The following PRKACB variants were observed in gnomAD, a reference collection of about 807,000 sequenced individuals.
The protein encoded by PRKACB is protein kinase cAMP-activated catalytic subunit beta.
Under a neutral mutation model 51.4 loss-of-function variants are expected in PRKACB, and 16 were observed. The observed-to-expected ratio is 0.31, with a 90% CI of 0.21 to 0.47. PRKACB has a LOEUF of 0.47. Ranked by LOEUF, PRKACB falls within the 20% of genes least tolerant of loss-of-function variation. The pLI is 1.00. For missense variants in PRKACB, 309 were observed against 464.5 expected (o/e 0.67, Z 3.08); for synonymous variants, 147 against 154.4 (o/e 0.95, Z 0.35).
chr1:84,187,599 C>A (rs1178770605), intron 5 of PRKACB, among the ~76,000 whole-genome samples: 1 of 152,016 alleles, frequency 6.6e-6, no homozygotes, highest in South Asian at 2.1e-4. Flanking sequence ...AGGAACAGAG[C>A]GGTTCTCATT....
At chr1:84,209,912 G>T (rs1356334739) in intron 8 of PRKACB, among the ~76,000 whole-genome samples, 1 of 152,136 alleles carries the variant, frequency 6.6e-6, no homozygotes, top group African/African-American at 2.4e-5. Flanking sequence ...TTCAATTCAT[G>T]CATTCATTAA....
intron 8 of PRKACB, among the ~76,000 whole-genome samples, chr1:84,203,682 G>A (rs2101460768): frequency 6.6e-6 from 1 of 152,030 alleles, no homozygotes; most frequent in South Asian, 2.1e-4. Context: ...ATTTCTACAT[G>A]TGGTACTGCT....
At chr1:84,199,060 CGTATATATGCATATATGTATATATATG>C (rs1402364167) in intron 7 of PRKACB, among the ~76,000 whole-genome samples, 1 of 48,238 alleles carries the variant, frequency 2.1e-5, no homozygotes, top group Non-Finnish European at 7.9e-5. Flanking sequence ...TATATATATG[CGTATATATGCATATATGTATATATATG>C]CGTATATATG....
At chr1:84,164,262 A>G in intron 1 of PRKACB, 1 of 1,464,318 alleles carries the variant, frequency 6.8e-7, no homozygotes, top group Non-Finnish European at 9.1e-7. Flanking sequence ...GCTATCAGCG[A>G]TCTCGGCAAT....
intron 1 of PRKACB, among the ~76,000 whole-genome samples, chr1:84,119,796 C>T (rs1339438156): frequency 6.6e-6 from 1 of 152,044 alleles, no homozygotes; most frequent in Admixed American, 6.6e-5. Context: ...TGCTATAGTC[C>T]TTGTTCTGTT....
upstream of PRKACB, among the ~76,000 whole-genome samples, chr1:84,142,586 AGATT>A (rs1465473167): frequency 6.6e-6 from 1 of 152,228 alleles, no homozygotes; most frequent in African/African-American, 2.4e-5. Context: ...ATATTTGTTT[AGATT>A]GATAAAAATT....
intron 1 of PRKACB, among the ~76,000 whole-genome samples, chr1:84,091,249 TAC>T (rs1031323008): frequency 1.1e-4 from 16 of 152,188 alleles, no homozygotes; most frequent in African/African-American, 3.6e-4. Flanking sequence ...TATAGTTACT[TAC>T]AATCAGGTTA....
intron 1 of PRKACB, among the ~76,000 whole-genome samples, chr1:84,135,459 A>G (rs1652705536): frequency 6.6e-6 from 1 of 152,200 alleles, no homozygotes; most frequent in Non-Finnish European, 1.5e-5. Context: ...TGCTCCATTT[A>G]ACAAGAGCAA....
intron 1 of PRKACB, among the ~76,000 whole-genome samples, chr1:84,101,956 A>G (rs1308665878): frequency 6.6e-6 from 1 of 152,142 alleles, no homozygotes; most frequent in Non-Finnish European, 1.5e-5. Context: ...ATAATTATTT[A>G]TTACTATCTC....
intron 1 of PRKACB, among the ~76,000 whole-genome samples, chr1:84,112,379 T>TA (rs1284006375): frequency 6.6e-6 from 1 of 151,906 alleles, no homozygotes; most frequent in Non-Finnish European, 1.5e-5. Flanking sequence ...ATTACAGGCA[T>TA]GCACCACAAC....
chr1:84,175,060 G>C, intron 1 of PRKACB: 1 of 1,453,854 alleles, frequency 6.9e-7, no homozygotes, highest in Non-Finnish European at 9.1e-7. Context: ...ATATCTGGTA[G>C]GCAATTACTT....
At chr1:84,089,963 A>C (rs929696877) in intron 1 of PRKACB, among the ~76,000 whole-genome samples, 4 of 152,112 alleles carry the variant, frequency 2.6e-5, no homozygotes, top group African/African-American at 9.7e-5. Flanking sequence ...TCTTTATCAA[A>C]TCTCTCTAAC....
chr1:84,162,370 G>T (rs948071907), intron 1 of PRKACB, among the ~76,000 whole-genome samples: 1 of 151,932 alleles, frequency 6.6e-6, no homozygotes, highest in Non-Finnish European at 1.5e-5. Context: ...TCCTTCAAAT[G>T]TTTTTTCATC....
rs189215538 is a variant in PRKACB at position 84,112,059 on chromosome 1, T to C, written c.46+33688T>C. On this transcript the variant is annotated intron_variant, in intron 1 of 8. Transcript: ENST00000370688. ...TATTATATTAATAAGAAACCAATACTGCAATTGAGTCTTGTGAGCCTAACT... is the reference window on the plus strand; with the variant it reads ...TATTATATTAATAAGAAACCAATACCGCAATTGAGTCTTGTGAGCCTAACT... 6.0e-3 allele frequency among the ~76,000 whole-genome samples: 916 copies of C among 152,150 alleles called. 13 individuals are homozygous for C. The highest frequency in any genetic ancestry group is 0.021 in the African/African-American group (877 of 41,526).
At chr1:84,134,206 G>C (rs1301922016) in intron 1 of PRKACB, among the ~76,000 whole-genome samples, 1 of 152,138 alleles carries the variant, frequency 6.6e-6, no homozygotes, top group Non-Finnish European at 1.5e-5. Flanking sequence ...CTGCCAGCTG[G>C]GTCAGGGGTT....
chr1:84,120,430 G>T (rs941482029), intron 1 of PRKACB, among the ~76,000 whole-genome samples: 2 of 152,052 alleles, frequency 1.3e-5, no homozygotes, highest in Admixed American at 6.6e-5. Context: ...ATGAAAATGC[G>T]TATCAGCAGG....
chr1:84,129,138 A>C (rs543391827), intron 1 of PRKACB, among the ~76,000 whole-genome samples: 1 of 152,230 alleles, frequency 6.6e-6, no homozygotes, highest in African/African-American at 2.4e-5. Flanking sequence ...AGATTAAATA[A>C]ATTTCCATAT....
At chr1:84,117,098 G>T (rs1028232359) in intron 1 of PRKACB, among the ~76,000 whole-genome samples, 3 of 151,688 alleles carry the variant, frequency 2.0e-5, no homozygotes, top group Non-Finnish European at 4.4e-5. Flanking sequence ...TGTTGATGTG[G>T]TGCATCCCAT....
intron 9 of PRKACB, among the ~76,000 whole-genome samples, chr1:84,215,404 A>G (rs1014337900): frequency 2.6e-5 from 4 of 152,176 alleles, no homozygotes; most frequent in Non-Finnish European, 5.9e-5. Context: ...ATAAATGTAA[A>G]AGTACTATAC....
Sources: gnomAD v4.1 joint callset for allele counts (sites outside exome capture counted in the v4.1 genomes callset) on GRCh38, gnomAD v4.1.1 for gene constraint, MANE v1.5 for transcripts, NCBI Gene and HGNC (gene_info 2026-07-23, HGNC 2026-07-21) for gene names.